The following DLG1 variants were observed in gnomAD, a reference collection of about 807,000 sequenced individuals.
The protein encoded by DLG1 is discs large MAGUK scaffold protein 1.
DLG1 carries 42 observed loss-of-function variants against 123.4 expected under a neutral mutation model. The ratio of observed to expected loss-of-function variants is 0.34; its 90% CI spans 0.27 to 0.44. The LOEUF (loss-of-function observed/expected upper bound fraction) is 0.44. Among genes scored for constraint, DLG1 ranks in the 20% least tolerant of loss-of-function variants. The pLI, the probability that DLG1 is intolerant of heterozygous loss-of-function variation, is 1.00. For missense variants in DLG1, 942 were observed against 1,082.6 expected, an observed-to-expected ratio of 0.87 and a Z score of 1.82; for synonymous variants, 317 against 356.2, an observed-to-expected ratio of 0.89 and a Z score of 1.24.
At chr3:197,093,712 A>G (rs1759063874) in intron 14 of DLG1, among the ~76,000 whole-genome samples, 1 of 152,180 alleles carries the variant, frequency 6.6e-6, no homozygotes, top group South Asian at 2.1e-4. Flanking sequence ...AACTTTTGAT[A>G]TAACTGAAAT....
intron 4 of DLG1, among the ~76,000 whole-genome samples, chr3:197,268,534 C>G (rs369191539): frequency 1.3e-4 from 20 of 152,200 alleles, no homozygotes; most frequent in African/African-American, 4.6e-4. Flanking sequence ...ATTCTCCCAC[C>G]TCATCCTCCC....
intron 4 of DLG1, among the ~76,000 whole-genome samples, chr3:197,215,316 G>T (rs561612541): frequency 1.3e-5 from 2 of 152,296 alleles, no homozygotes; most frequent in African/African-American, 4.8e-5. Flanking sequence ...GTCAATAAAT[G>T]TGACTGGGAT....
At chr3:197,214,067 A>T (rs1732715465) in intron 4 of DLG1, among the ~76,000 whole-genome samples, 1 of 152,224 alleles carries the variant, frequency 6.6e-6, no homozygotes, top group Non-Finnish European at 1.5e-5. Context: ...TGAATATGCA[A>T]ATGTAATAGC....
rs1726486956 is a variant in DLG1, at chr3:197,202,784, G to C, written c.319-8195C>G. Among the ~76,000 whole-genome samples, 7 of 152,284 alleles carry C rather than the reference G, an allele frequency of 4.6e-5. No homozygotes were observed. The South Asian group carries it at 1.4e-3, about 32-fold the overall frequency. ...CTGTAAAAGAATTGTAAGGAGATGT[G>C]AGCATTATTTCTGAAGAAGTGTTCA... is the stretch of plus-strand genomic sequence containing the variant. On this transcript the variant is annotated intron_variant, in intron 4 of 24. Coordinates refer to ENST00000667157, the MANE Select transcript of DLG1 (RefSeq NM_001366207.1).
chr3:197,277,258 T>C (rs1364959244), intron 4 of DLG1, among the ~76,000 whole-genome samples: 1 of 152,056 alleles, frequency 6.6e-6, no homozygotes, highest in African/African-American at 2.4e-5. Flanking sequence ...TGAAATGTAT[T>C]GTGATGTTAG....
At chr3:197,121,842 A>AG (rs1776574759) in intron 11 of DLG1, among the ~76,000 whole-genome samples, 1 of 151,678 alleles carries the variant, frequency 6.6e-6, no homozygotes, top group Admixed American at 6.6e-5. Context: ...AAAAAAAAAA[A>AG]AATCAAATGT....
intron 4 of DLG1, among the ~76,000 whole-genome samples, chr3:197,271,919 T>C (rs968222720): frequency 6.6e-6 from 1 of 152,164 alleles, no homozygotes; most frequent in Admixed American, 6.5e-5. Flanking sequence ...CAAAAAACTG[T>C]ACCCAGAGGA....
intron 11 of DLG1, among the ~76,000 whole-genome samples, chr3:197,123,378 C>T (rs1777412545): frequency 6.6e-6 from 1 of 152,138 alleles, no homozygotes; most frequent in African/African-American, 2.4e-5. Context: ...AGAGTTATTT[C>T]TCAAATACAT....
chr3:197,076,389 TTTAAA>T (rs1747297589), intron 18 of DLG1, among the ~76,000 whole-genome samples, 192 bp downstream of exon 18: 1 of 152,232 alleles, frequency 6.6e-6, no homozygotes, highest in African/African-American at 2.4e-5. Flanking sequence ...TAATGTTTGC[TTTAAA>T]TTAAGAATTC....
At chr3:197,189,248 A>G (rs1717867434) in intron 5 of DLG1, among the ~76,000 whole-genome samples, 2 of 152,228 alleles carry the variant, frequency 1.3e-5, no homozygotes, top group South Asian at 4.1e-4. Context: ...GAGATAACAG[A>G]TATCTGAGAG....
At chr3:197,172,687 G>A (rs78676945) in intron 5 of DLG1, among the ~76,000 whole-genome samples, 1 of 152,100 alleles carries the variant, frequency 6.6e-6, no homozygotes, top group African/African-American at 2.4e-5. Context: ...ATTGCTAAAA[G>A]GTTATTTCTG....
chr3:197,153,504 T>C (rs1053060522), intron 5 of DLG1, among the ~76,000 whole-genome samples: 5 of 152,170 alleles, frequency 3.3e-5, no homozygotes, highest in African/African-American at 9.7e-5. Flanking sequence ...CTCCAAATAC[T>C]GGAGATCTGT....
At chr3:197,071,023 A>T (rs542991486) in intron 18 of DLG1, 43 of 152,298 alleles carry the variant, frequency 2.8e-4, no homozygotes, top group African/African-American at 1.0e-3. Flanking sequence ...TATTTGCTTT[A>T]AACTGTTTTT....
At chr3:197,114,987 GA>G (rs375841391) in intron 13 of DLG1, among the ~76,000 whole-genome samples, 8,737 of 85,892 alleles carry the variant, frequency 0.1, 435 homozygotes, top group African/African-American at 0.24. Context: ...CCATCTCAAG[GA>G]AAAAAAAAAA....
At position 197,142,704 on chromosome 3, in the gene DLG1, A is replaced by C; in HGVS notation, c.588+14T>G. The C allele has an allele frequency of 6.3e-7, 1 of 1,585,952 alleles. No individual in the cohort carries two copies. Among genetic ancestry groups the C allele is most frequent in the East Asian group, 2.3e-5 (1 of 44,428 alleles). ...AAGTTCTCTAGAACAACAGATTAAG[A>C]TAATAGTTTTTACCCTTTCAAGTGT... On this transcript the variant is annotated intron_variant, in intron 7 of 24. Transcript: ENST00000667157.
intron 5 of DLG1, chr3:197,161,536 T>C: frequency 1.5e-6 from 1 of 652,852 alleles, no homozygotes; most frequent in Non-Finnish European, 2.4e-6. Context: ...CCAAAGTAAA[T>C]TACCAAATTA....
At chr3:197,296,642 TAAAA>T (rs199997900) in intron 2 of DLG1, 165 bp from the exon 3 acceptor site, 6 of 424,020 alleles carry the variant, frequency 1.4e-5, no homozygotes, top group Admixed American at 1.2e-4. Context: ...GACCAAAAAA[TAAAA>T]AAAAAAATTA....
chr3:197,249,573 A>T (rs750273029), intron 4 of DLG1, among the ~76,000 whole-genome samples: 2 of 152,222 alleles, frequency 1.3e-5, no homozygotes, highest in African/African-American at 2.4e-5. Flanking sequence ...CAAGGCCAGC[A>T]TCACTGTGAT....
At chr3:197,046,225 A>AT (rs1490245836) in intron 24 of DLG1, among the ~76,000 whole-genome samples, 1 of 152,180 alleles carries the variant, frequency 6.6e-6, no homozygotes, top group Non-Finnish European at 1.5e-5. Flanking sequence ...GCAAGGATTT[A>AT]TTTTAGAGCA....
Sources: gnomAD v4.1 joint callset for allele counts (sites outside exome capture counted in the v4.1 genomes callset) on GRCh38, gnomAD v4.1.1 for gene constraint, MANE v1.5 for transcripts, NCBI Gene and HGNC (gene_info 2026-07-23, HGNC 2026-07-21) for gene names.